Variants in ABCC1 observed in about 807,000 individuals in gnomAD.
The protein encoded by ABCC1 is multidrug resistance-associated protein 1.
A neutral mutation model predicts 172.9 loss-of-function variants in ABCC1; 83 were observed. The ratio of observed to expected loss-of-function variants is 0.48; its 90% CI spans 0.40 to 0.58. The LOEUF is 0.58. Ranked by LOEUF, ABCC1 falls within the 20% of genes least tolerant of loss-of-function variation. ABCC1 has a pLI of 0.00. For synonymous variants in ABCC1, 937 were observed against 825.2 expected (o/e 1.14, Z -2.32); for missense variants, 1,817 against 2,002.7 (o/e 0.91, Z 1.77).
At chr16:16,095,502 A>G (rs1366140727) in intron 19 of ABCC1, among the ~76,000 whole-genome samples, 4 of 152,204 alleles carry the variant, frequency 2.6e-5, no homozygotes, top group Admixed American at 1.3e-4. Flanking sequence ...ACAGCACTCA[A>G]GACGAATTCC....
intron 1 of ABCC1, among the ~76,000 whole-genome samples, chr16:15,961,232 G>T (rs2046124177): frequency 6.6e-6 from 1 of 152,094 alleles, no homozygotes; most frequent in South Asian, 2.1e-4. Flanking sequence ...TTGTGATCAA[G>T]ACCAACTTGG....
rs747376055 is a variant in ABCC1, at chr16:16,068,339, C to T, written c.1824+37C>T. The stretch of plus-strand genomic sequence containing the variant: ...AGCTGGGGCGACTTCCGAGAGGGGG[C>T]CTTGGGGTTCTAGGCCACGAAAGCA... On this transcript the variant is annotated intron_variant, in intron 13 of 30. Coordinates refer to ENST00000399410, the MANE Select transcript of ABCC1 (RefSeq NM_004996.4). 5.6e-6 allele frequency: 9 copies of T among 1,610,024 alleles called. No individual in the cohort carries two copies. The Admixed American group carries it at 1.3e-4, about 24-fold the overall frequency.
At chr16:16,131,679 C>G in intron 26 of ABCC1, 110 bp from the exon 27 acceptor site, 1 of 1,329,060 alleles carries the variant, frequency 7.5e-7, no homozygotes, top group East Asian at 2.4e-5. Context: ...GTGCTGAGGC[C>G]TGGGAGGCCA....
In ABCC1 at chr16:16,079,434, C is replaced by G. The variant is rs1406500819; in HGVS notation, c.2071C>G (p.Leu691Val). ...GCGKSSLLSA[L>V]LAEMDKVEGH... ...CGGAAAGTCGTCCCTGCTCTCAGCC[C>G]TCTTGGCTGAGATGGACAAAGTGGA... The change falls in exon 16 of 31, where the codon CTC becomes GTC. Residue 691 changes from leucine (L) to valine (V), a missense_variant. Physicochemically the swap from Leu to Val is conservative, Grantham distance 32. Transcript: ENST00000399410. 1.2e-6 allele frequency: 2 copies of G among 1,613,814 alleles called. No homozygotes were observed. The highest frequency in any genetic ancestry group is 1.7e-6 in the Non-Finnish European group (2 of 1,179,874).
rs541843054 is a variant in ABCC1, at chr16:15,951,399, T to C, written c.48+1600T>C. On this transcript the variant is annotated intron_variant, in intron 1 of 30. Transcript: ENST00000399410. ...TCCAGTTGTAATATTTTTTAAAATT[T>C]TTATTTTCTTTTTTCTTTTTATTTT... Among the ~76,000 whole-genome samples, 28 of 152,274 alleles carry C rather than the reference T, an allele frequency of 1.8e-4. No homozygotes were observed. In the South Asian group the frequency reaches 3.9e-3, roughly 21 times the overall value.
chr16:16,037,096 C>T (rs1477473320), intron 7 of ABCC1, among the ~76,000 whole-genome samples: 6 of 149,620 alleles, frequency 4.0e-5, no homozygotes, highest in Non-Finnish European at 7.4e-5. Context: ...AGTGAGACTC[C>T]GTCTCAAAAA....
chr16:16,076,533 CT>C, intron 15 of ABCC1, 132 bp downstream of exon 15: 1 of 852,964 alleles, frequency 1.2e-6, no homozygotes, highest in Non-Finnish European at 1.8e-6. Context: ...TAAGACTTAG[CT>C]TACCCATCTG....
intron 19 of ABCC1, among the ~76,000 whole-genome samples, chr16:16,100,073 A>G (rs904829674): frequency 5.3e-5 from 8 of 152,068 alleles, no homozygotes; most frequent in African/African-American, 1.9e-4. Context: ...GCGACAGAGA[A>G]GACCTTGTCT....
chr16:16,131,431 C>T (rs929439219), intron 26 of ABCC1, among the ~76,000 whole-genome samples: 1 of 152,148 alleles, frequency 6.6e-6, no homozygotes, highest in Non-Finnish European at 1.5e-5. Flanking sequence ...TGGGATACAG[C>T]AGTGAACAAT....
chr16:16,109,215 C>T (rs552234851), intron 21 of ABCC1, among the ~76,000 whole-genome samples: 8 of 152,022 alleles, frequency 5.3e-5, no homozygotes, highest in East Asian at 1.9e-4. Context: ...CTCACTGTGT[C>T]GCTCAGGCTG....
Position 16,033,123 on chromosome 16 carries a change from G to A in ABCC1, c.630G>A (p.Glu210=). ...ETIHDPNPCP[E]SSASFLSRIT... ...CTTTCCACTAGAATCCCTGCCCAGA[G>A]TCCAGCGCTTCCTTCCTGTCGAGGA... The change falls in exon 6 of 31, where the codon GAG becomes GAA. Residue 210 remains glutamate, a synonymous_variant. Coordinates refer to ENST00000399410, the MANE Select transcript of ABCC1 (RefSeq NM_004996.4). 6.2e-7 allele frequency: 1 copy of A among 1,614,182 alleles called. No individual in the cohort carries two copies. Among genetic ancestry groups the A allele is most frequent in the Non-Finnish European group, 8.5e-7 (1 of 1,180,032 alleles).
rs2050467211 is a variant in ABCC1 at position 16,074,222 on chromosome 16, G to T, written c.1913-2104G>T. Among the ~76,000 whole-genome samples, 4 of 152,064 alleles carry T rather than the reference G, an allele frequency of 2.6e-5. No homozygotes were observed. The South Asian group carries it at 8.3e-4, about 32-fold the overall frequency. ...ATACAGTAGTATCCATCCCAATTTTGGCAACCAAAAATGGCTCCAGACATT... is the reference window on the plus strand; with the variant it reads ...ATACAGTAGTATCCATCCCAATTTTTGCAACCAAAAATGGCTCCAGACATT... On this transcript the variant is annotated intron_variant, in intron 14 of 30. Transcript: ENST00000399410.
At chr16:16,107,335 G>A (rs2052171092) in intron 21 of ABCC1, among the ~76,000 whole-genome samples, 1 of 152,104 alleles carries the variant, frequency 6.6e-6, no homozygotes, top group South Asian at 2.1e-4. Flanking sequence ...TGTCACCAAG[G>A]CTGGAGTGCA....
intron 1 of ABCC1, among the ~76,000 whole-genome samples, chr16:15,987,750 CACTG>C (rs2046774245): frequency 6.6e-6 from 1 of 152,224 alleles, no homozygotes; most frequent in Non-Finnish European, 1.5e-5. Context: ...GTGCGTCCCG[CACTG>C]ACTGTCTCCT....
At chr16:16,077,417 G>A (rs546381462) in intron 15 of ABCC1, among the ~76,000 whole-genome samples, 5 of 152,192 alleles carry the variant, frequency 3.3e-5, no homozygotes, top group African/African-American at 1.2e-4. Context: ...CAACTAATCT[G>A]TATCTGTGTC....
chr16:16,079,356 A>G lies in ABCC1; in HGVS notation c.1993A>G (p.Thr665Ala). 1 of 1,613,794 alleles carries G rather than the reference A, an allele frequency of 6.2e-7. No individual in the cohort carries two copies. Among genetic ancestry groups the G allele is most frequent in the Non-Finnish European group, 8.5e-7 (1 of 1,179,890 alleles). Residue 665 changes from threonine to alanine, a missense_variant, in exon 16 of 31, where the codon ACC (threonine) becomes GCC (alanine). By Grantham distance (58) the Thr-to-Ala change is moderately conservative. Transcript: ENST00000399410. ...RSDPPTLNGITFSIPEGALVA... is the reference protein window; with the variant it reads ...RSDPPTLNGIAFSIPEGALVA... ...AGGTGTGTTGTGTCGTTTCAGCATC[A>G]CCTTCTCCATCCCCGAAGGTGCTTT...
intron 29 of ABCC1, among the ~76,000 whole-genome samples, chr16:16,137,645 C>T (rs1307163025): frequency 6.8e-6 from 1 of 146,052 alleles, no homozygotes; most frequent in Non-Finnish European, 1.5e-5. Context: ...CCTCCGCCCC[C>T]AGGCTCAAGC....
At chr16:15,995,622 G>A (rs1246967419) in intron 1 of ABCC1, among the ~76,000 whole-genome samples, 2 of 152,050 alleles carry the variant, frequency 1.3e-5, no homozygotes, top group African/African-American at 2.4e-5. Context: ...GGTAGTAGTC[G>A]CTGATAAATG....
chr16:15,996,795 G>A (rs2047069807), intron 1 of ABCC1, among the ~76,000 whole-genome samples: 1 of 152,112 alleles, frequency 6.6e-6, no homozygotes, highest in African/African-American at 2.4e-5. Context: ...AGGAAGGCAG[G>A]TCAAGGCCAG....
Sources: gnomAD v4.1 joint callset for allele counts (sites outside exome capture counted in the v4.1 genomes callset) on GRCh38, gnomAD v4.1.1 for gene constraint, MANE v1.5 for transcripts, NCBI Gene and HGNC (gene_info 2026-07-23, HGNC 2026-07-21) for gene names.